CRACD: variants seen among roughly 807,000 people sequenced by gnomAD.
CRACD encodes capping protein inhibiting regulator of actin dynamics.
CRACD carries 56 observed loss-of-function variants against 106.8 expected under a neutral mutation model. The observed-to-expected ratio is 0.52, with a 90% confidence interval of 0.42 to 0.66. CRACD has a LOEUF of 0.66. Among genes scored for constraint, CRACD ranks in the 30% least tolerant of loss-of-function variants. The pLI is 0.00. For synonymous variants in CRACD, 754 were observed against 670.8 expected (o/e 1.12, Z -1.92); for missense variants, 1,730 against 1,623.2 (o/e 1.07, Z -1.13).
At position 56,179,385 on chromosome 4, in the gene CRACD, G is replaced by A. The variant is rs889148761; in HGVS notation, c.-234G>A. The A allele has an allele frequency of 3.3e-5, 5 of 152,128 alleles. No individual in the cohort carries two copies. The highest frequency in any genetic ancestry group is 1.5e-5 in the Non-Finnish European group (1 of 68,030). 9.4% of individuals were successfully genotyped at this position (152,128 alleles called of 1,614,324 possible). On this transcript the variant is annotated 5_prime_UTR_variant, in exon 2 of 11. In the 5' UTR this introduces an upstream ATG that the reference lacks. Coordinates refer to ENST00000682029, the MANE Select transcript of CRACD (RefSeq NM_001393381.1). ...TCCCTTTTGCAAGGAGAAAATTTTG[G>A]TGGAGAATTATCCAACAAGAAAAAG... is the stretch of plus-strand genomic sequence containing the variant.
intron 3 of CRACD, among the ~76,000 whole-genome samples, chr4:56,285,325 T>C (rs994748473): frequency 3.3e-5 from 5 of 152,210 alleles, no homozygotes; most frequent in Non-Finnish European, 7.3e-5. Context: ...AGACTGGCAC[T>C]GGGCAGTCCA....
intron 1 of CRACD, among the ~76,000 whole-genome samples, chr4:56,080,235 A>C (rs1453765226): frequency 6.6e-6 from 1 of 152,202 alleles, no homozygotes; most frequent in Non-Finnish European, 1.5e-5. Flanking sequence ...TGGTAAAAAA[A>C]CTGAACTGTA....
At chr4:56,255,391 T>G (rs1341989211) in intron 2 of CRACD, among the ~76,000 whole-genome samples, 1 of 152,132 alleles carries the variant, frequency 6.6e-6, no homozygotes. Flanking sequence ...TGCTCTCAAT[T>G]TAATGAAGGC....
rs1475874155 is a variant in CRACD, at chr4:56,329,335, A to G, written c.*1531A>G. Among the ~76,000 whole-genome samples, 1 of 152,218 alleles carries G rather than the reference A, an allele frequency of 6.6e-6. No individual in the cohort carries two copies. Among genetic ancestry groups the G allele is most frequent in the African/African-American group, 2.4e-5 (1 of 41,454 alleles). On this transcript the variant is annotated 3_prime_UTR_variant, in exon 11 of 11. Coordinates refer to ENST00000682029, the MANE Select transcript of CRACD (RefSeq NM_001393381.1). Reference sequence around the variant, plus strand: ...ATCCTTTTTCCTCTCCTACAAAAACATGCTTTATTAAGTATCCATCATTAC... The same window carrying G: ...ATCCTTTTTCCTCTCCTACAAAAACGTGCTTTATTAAGTATCCATCATTAC...
At chr4:56,304,773 C>A (rs1307758845) in intron 4 of CRACD, among the ~76,000 whole-genome samples, 1 of 151,628 alleles carries the variant, frequency 6.6e-6, no homozygotes, top group Admixed American at 6.6e-5. Context: ...CAGAAGGAGA[C>A]CCCAACTCTA....
At chr4:56,196,122 T>C (rs1737595408) in intron 2 of CRACD, among the ~76,000 whole-genome samples, 2 of 152,308 alleles carry the variant, frequency 1.3e-5, no homozygotes, top group South Asian at 2.1e-4. Context: ...TTAGAGAGTG[T>C]GAAAAGCAAT....
chr4:56,146,648 T>A (rs1735393288), intron 1 of CRACD, among the ~76,000 whole-genome samples: 1 of 150,512 alleles, frequency 6.6e-6, no homozygotes, highest in Admixed American at 6.7e-5. Context: ...GCTCTTTTAA[T>A]ATAGGAATTT....
chr4:56,067,094 C>T (rs1019766090), intron 1 of CRACD, among the ~76,000 whole-genome samples: 1 of 151,950 alleles, frequency 6.6e-6, no homozygotes, highest in Non-Finnish European at 1.5e-5. Context: ...CAAGATTATA[C>T]AAGAGCCTTT....
rs570691729 is a variant in CRACD at position 56,198,964 on chromosome 4, CT to C, written c.-189+19542del. Among the ~76,000 whole-genome samples the C allele has an allele frequency of 8.9e-4, 136 of 151,978 alleles. 1 individual carries two copies. Among genetic ancestry groups the C allele is most frequent in the Non-Finnish European group, 1.4e-3 (97 of 67,934 alleles). On this transcript the variant is annotated intron_variant, in intron 2 of 10. Transcript: ENST00000682029. ...TTTTCTTTCATTATTTACTTCCTGA[CT>C]TTTTTTTACCAGCTTCTGGGTTTTT...
intron 2 of CRACD, among the ~76,000 whole-genome samples, chr4:56,235,818 T>C (rs1177337172): frequency 6.6e-6 from 1 of 152,168 alleles, no homozygotes; most frequent in African/African-American, 2.4e-5. Flanking sequence ...TACATGTATC[T>C]ATATCTGCGT....
intron 1 of CRACD, among the ~76,000 whole-genome samples, chr4:56,152,065 G>A (rs983318247): frequency 1.7e-4 from 26 of 149,960 alleles, no homozygotes; most frequent in Non-Finnish European, 2.5e-4. Flanking sequence ...GCTGGAGTGC[G>A]GTGGTGCGGT....
At chr4:56,280,184 C>G (rs1306382498) in intron 3 of CRACD, among the ~76,000 whole-genome samples, 2 of 151,296 alleles carry the variant, frequency 1.3e-5, no homozygotes, top group Admixed American at 1.3e-4. Context: ...AGGACATATA[C>G]CTAATGTTAA....
At position 56,317,437 on chromosome 4, in the gene CRACD, A is replaced by G. The variant is rs74534510; in HGVS notation, c.3187+748A>G. ...TCTGCAGTTCACTCTTGATAATGATACTTATTTACACAAGCGATAAAAGGT... is the reference window on the plus strand; with the variant it reads ...TCTGCAGTTCACTCTTGATAATGATGCTTATTTACACAAGCGATAAAAGGT... On this transcript the variant is annotated intron_variant, in intron 8 of 10. Coordinates refer to ENST00000682029, the MANE Select transcript of CRACD (RefSeq NM_001393381.1). 2.8e-3 allele frequency among the ~76,000 whole-genome samples: 432 copies of G among 152,318 alleles called. 4 individuals are homozygous for G. Among genetic ancestry groups the G allele is most frequent in the African/African-American group, 9.9e-3 (411 of 41,552 alleles).
At chr4:56,191,508 C>CTG (rs1560478449) in intron 2 of CRACD, among the ~76,000 whole-genome samples, 3 of 152,104 alleles carry the variant, frequency 2.0e-5, no homozygotes, top group African/African-American at 7.2e-5. Flanking sequence ...TTATAAAGAC[C>CTG]CTTGTGAATA....
At chr4:56,289,941 CTTCTCCATCCATAAAGACTTGG>C (rs1422650847) in intron 3 of CRACD, among the ~76,000 whole-genome samples, 1 of 152,202 alleles carries the variant, frequency 6.6e-6, no homozygotes, top group African/African-American at 2.4e-5. Context: ...TGGGCCTCAG[CTTCTCCATCCATAAAGACTTGG>C]GTCTTGGACT....
At chr4:56,097,775 G>A (rs1733644306) in intron 1 of CRACD, among the ~76,000 whole-genome samples, 1 of 151,954 alleles carries the variant, frequency 6.6e-6, no homozygotes, top group Non-Finnish European at 1.5e-5. Flanking sequence ...TGGAGAGAGT[G>A]GGAGGGAAAA....
intron 1 of CRACD, among the ~76,000 whole-genome samples, chr4:56,163,347 C>T (rs1407368483): frequency 1.3e-5 from 2 of 151,914 alleles, no homozygotes; most frequent in African/African-American, 2.4e-5. Flanking sequence ...TCATACAGCA[C>T]AGATGTGCAG....
intron 1 of CRACD, among the ~76,000 whole-genome samples, chr4:56,059,051 C>T (rs1403047230): frequency 6.6e-6 from 1 of 152,014 alleles, no homozygotes; most frequent in Non-Finnish European, 1.5e-5. Context: ...CCGGTTGATC[C>T]TAGATACAGA....
At chr4:56,265,689 A>G (rs941841605) in intron 2 of CRACD, among the ~76,000 whole-genome samples, 1 of 152,188 alleles carries the variant, frequency 6.6e-6, no homozygotes, top group Non-Finnish European at 1.5e-5. Context: ...CATAGTAAAC[A>G]AACAGATTTA....
Sources: allele counts gnomAD v4.1 joint callset (sites outside exome capture counted in the v4.1 genomes callset), GRCh38; gene constraint gnomAD v4.1.1; transcripts MANE v1.5; gene names NCBI Gene and HGNC (gene_info 2026-07-23, HGNC 2026-07-21).